The following MARK3 variants were observed in gnomAD, a reference collection of about 807,000 sequenced individuals.
MARK3 encodes the protein MAP/microtubule affinity-regulating kinase 3.
In MARK3, 46 loss-of-function variants were observed where a neutral mutation model predicts 90.1. That is an observed-to-expected ratio of 0.51 (90% CI 0.40 to 0.65). MARK3 has a LOEUF of 0.65. Among genes scored for constraint, MARK3 ranks in the 30% least tolerant of loss-of-function variants. The pLI, the probability that MARK3 is intolerant of heterozygous loss-of-function variation, is 0.00. For missense variants in MARK3, 818 were observed against 947.2 expected, an observed-to-expected ratio of 0.86 and a Z score of 1.79; for synonymous variants, 321 against 332.6, an observed-to-expected ratio of 0.97 and a Z score of 0.38.
intron 17 of MARK3, among the ~76,000 whole-genome samples, chr14:103,501,635 G>A (rs2075672782): frequency 6.6e-6 from 1 of 151,586 alleles, no homozygotes; most frequent in Non-Finnish European, 1.5e-5. Flanking sequence ...CACCCGTGCT[G>A]TTTCCTCCTT....
At chr14:103,496,941 C>CTA (rs1297613333) in intron 15 of MARK3, among the ~76,000 whole-genome samples, 1 of 152,016 alleles carries the variant, frequency 6.6e-6, no homozygotes, top group Non-Finnish European at 1.5e-5. Context: ...ACTTGAGAGG[C>CTA]TGAGGCAGGA....
chr14:103,485,252 C>CTTT lies in MARK3; in HGVS notation c.1586+4784_1586+4786dup, dbSNP rs36010258. Reference sequence around the variant, plus strand: ...TCTCAAAGAAAAAAAAAAAAGGCTGCTTTTTTTTTTTTTTTTTTTTTTTTA... The same window carrying CTTT: ...TCTCAAAGAAAAAAAAAAAAGGCTGCTTTTTTTTTTTTTTTTTTTTTTTTTTTA... On this transcript the variant is annotated intron_variant, in intron 14 of 17. Transcript: ENST00000429436. Among the ~76,000 whole-genome samples the CTTT allele has an allele frequency of 1.4e-3, 118 of 83,548 alleles. 4 individuals are homozygous for CTTT. The highest frequency in any genetic ancestry group is 4.8e-3 in the African/African-American group (95 of 19,986). 54.8% of individuals were successfully genotyped at this position (83,548 alleles called of 152,430 possible). A position where few individuals can be genotyped will look rare whatever the true frequency, so the allele number is the denominator to read the frequency against.
Position 103,465,499 on chromosome 14 carries a change from CAT to C in MARK3, c.541-56_541-55del, listed in dbSNP as rs1325385225. ...GCTTTTCTAAAATGCCTAATCCTGT[CAT>C]AATTCTAATTCTATTTTGGCTAAAT... On this transcript the variant is annotated intron_variant, in intron 7 of 17. Coordinates refer to ENST00000429436, the MANE Select transcript of MARK3 (RefSeq NM_001128918.3). The C allele has an allele frequency of 1.1e-5, 14 of 1,221,404 alleles. No individual in the cohort carries two copies. In the African/African-American group the frequency reaches 2.1e-4, roughly 18 times the overall value. 75.7% of individuals were successfully genotyped at this position (1,221,404 alleles called of 1,614,324 possible).
chr14:103,478,294 CA>C (rs745554491), intron 13 of MARK3, among the ~76,000 whole-genome samples: 43,907 of 125,140 alleles, frequency 0.35, 7,347 homozygotes, highest in Middle Eastern at 0.45. Context: ...GGCTCCATCT[CA>C]AAAAAAAAAA....
chr14:103,456,266 C>T (rs2093276394), intron 5 of MARK3, among the ~76,000 whole-genome samples: 1 of 152,178 alleles, frequency 6.6e-6, no homozygotes, highest in South Asian at 2.1e-4. Context: ...CCTGTCCCTT[C>T]CCGTCATTGG....
intron 7 of MARK3, among the ~76,000 whole-genome samples, chr14:103,462,898 A>G (rs2093429067): frequency 1.3e-5 from 2 of 152,136 alleles, no homozygotes; most frequent in Non-Finnish European, 1.5e-5. Context: ...TCGCACAGAG[A>G]AAATAGAAAC....
Position 103,492,988 on chromosome 14 carries a change from C to T in MARK3, c.1844+954C>T, listed in dbSNP as rs768343302. Among the ~76,000 whole-genome samples, 13 of 152,260 alleles carry T rather than the reference C, an allele frequency of 8.5e-5. No individual in the cohort carries two copies. In the East Asian group the frequency reaches 1.2e-3, roughly 14 times the overall value. On this transcript the variant is annotated intron_variant, in intron 15 of 17. Transcript: ENST00000429436. ...TGGTATCTTGCAGGTTTGCCTAGGACGGACCCTCTTATTTGTCATCTGTAG... is the reference window on the plus strand; with the variant it reads ...TGGTATCTTGCAGGTTTGCCTAGGATGGACCCTCTTATTTGTCATCTGTAG...
intron 12 of MARK3, 142 bp from the exon 13 acceptor site, chr14:103,474,851 G>A: frequency 3.2e-6 from 2 of 630,456 alleles, no homozygotes; most frequent in Non-Finnish European, 2.7e-6. Context: ...AGATATAAGT[G>A]GGAAACATCT....
At chr14:103,442,412 G>A (rs1387700152) in intron 3 of MARK3, among the ~76,000 whole-genome samples, 1 of 151,740 alleles carries the variant, frequency 6.6e-6, no homozygotes, top group Non-Finnish European at 1.5e-5. Context: ...CCATAGTATA[G>A]CTGTTTTAAT....
Position 103,448,939 on chromosome 14 carries a change from A to G in MARK3, c.318A>G (p.Ile106Met). The change falls in exon 4 of 18, where the codon ATA becomes ATG. Residue 106 changes from isoleucine (I) to methionine (M), a missense_variant. Ile to Met is a conservative substitution (Grantham distance 10, BLOSUM62 1). Transcript: ENST00000429436. ...TTTAGCTCTTCAGAGAAGTAAGAAT[A>G]ATGAAGATTTTAAATCATCCCAATA... ...SLQKLFREVR[I>M]MKILNHPNIV... 6.4e-7 allele frequency: 1 copy of G among 1,571,314 alleles called. No homozygotes were observed. The highest frequency in any genetic ancestry group is 8.7e-7 in the Non-Finnish European group (1 of 1,155,480).
intron 2 of MARK3, among the ~76,000 whole-genome samples, chr14:103,425,763 A>G (rs576477698): frequency 4.6e-5 from 7 of 152,266 alleles, no homozygotes; most frequent in East Asian, 1.9e-4. Flanking sequence ...TTTCAGGCGC[A>G]CACACTCGTT....
intron 1 of MARK3, among the ~76,000 whole-genome samples, chr14:103,399,369 G>A (rs1235431734): frequency 2.6e-5 from 4 of 152,100 alleles, no homozygotes; most frequent in African/African-American, 9.7e-5. Context: ...ACGTCACAAA[G>A]ACCTAACACA....
intron 1 of MARK3, among the ~76,000 whole-genome samples, chr14:103,391,037 A>C (rs1365919852): frequency 1.3e-5 from 2 of 152,198 alleles, no homozygotes; most frequent in Non-Finnish European, 2.9e-5. Context: ...ATATTTTATT[A>C]TAGGAAAATT....
At chr14:103,472,647 C>CAAAA (rs71126028) in intron 12 of MARK3, among the ~76,000 whole-genome samples, 2 of 72,536 alleles carry the variant, frequency 2.8e-5, no homozygotes, top group African/African-American at 1.1e-4. Context: ...GGCTCCATCT[C>CAAAA]AAAAAAAAAA....
At chr14:103,499,299 T>C (rs2075524372) in intron 16 of MARK3, 1 of 151,946 alleles carries the variant, frequency 6.6e-6, no homozygotes, top group African/African-American at 2.4e-5. Context: ...CCTCTACAAA[T>C]AATATAAAAA....
chr14:103,414,978 C>A (rs969340443), intron 2 of MARK3, among the ~76,000 whole-genome samples: 1 of 151,692 alleles, frequency 6.6e-6, no homozygotes, highest in Non-Finnish European at 1.5e-5. Context: ...ATGGCAAAAT[C>A]CCATCTCTAC....
intron 14 of MARK3, among the ~76,000 whole-genome samples, chr14:103,484,376 T>A (rs2093884968): frequency 1.3e-5 from 2 of 152,122 alleles, no homozygotes; most frequent in African/African-American, 2.4e-5. Context: ...GGGGTTTCAC[T>A]AGGCCAGGCT....
At chr14:103,446,710 CTTTTTTTTT>C (rs746523547) in intron 3 of MARK3, among the ~76,000 whole-genome samples, 6 of 98,048 alleles carry the variant, frequency 6.1e-5, no homozygotes, top group Admixed American at 2.3e-4. Context: ...AGATTGTTGT[CTTTTTTTTT>C]TTTTTTTTTT....
chr14:103,469,000 C>T (rs1246831499), intron 12 of MARK3, among the ~76,000 whole-genome samples: 1 of 151,944 alleles, frequency 6.6e-6, no homozygotes, highest in African/African-American at 2.4e-5. Flanking sequence ...TTCACCTCTG[C>T]ATTGGATTTA....
Sources: gnomAD v4.1 joint callset for allele counts (sites outside exome capture counted in the v4.1 genomes callset) on GRCh38, gnomAD v4.1.1 for gene constraint, MANE v1.5 for transcripts, NCBI Gene and HGNC (gene_info 2026-07-23, HGNC 2026-07-21) for gene names.